Variants in C8orf34 observed in about 807,000 individuals in gnomAD.
The protein encoded by C8orf34 is chromosome 8 open reading frame 34.
Under a neutral mutation model 68.3 loss-of-function variants are expected in C8orf34, and 65 were observed. That is an observed-to-expected ratio of 0.95 (90% CI 0.78 to 1.17). C8orf34 has a LOEUF of 1.17. Ranked by LOEUF, C8orf34 falls within the 50% of genes most tolerant of loss-of-function variation. The pLI, the probability that C8orf34 is intolerant of heterozygous loss-of-function variation, is 0.00. For missense variants in C8orf34, 664 were observed against 655.4 expected (o/e 1.01, Z -0.14); for synonymous variants, 244 against 241.2 (o/e 1.01, Z -0.11).
intron 10 of C8orf34, among the ~76,000 whole-genome samples, chr8:68,752,254 C>CATTAA (rs1364793415): frequency 6.6e-6 from 1 of 152,158 alleles, no homozygotes; most frequent in Non-Finnish European, 1.5e-5. Context: ...GCTGATGTCT[C>CATTAA]ATTAAATTAA....
At chr8:68,578,038 A>T (rs1417781334) in intron 7 of C8orf34, among the ~76,000 whole-genome samples, 1 of 151,308 alleles carries the variant, frequency 6.6e-6, no homozygotes, top group African/African-American at 2.4e-5. Context: ...ATAATAAGTT[A>T]AAAAAAAACT....
chr8:68,398,530 C>G (rs1474846897), intron 1 of C8orf34, among the ~76,000 whole-genome samples: 1 of 151,864 alleles, frequency 6.6e-6, no homozygotes, highest in Non-Finnish European at 1.5e-5. Flanking sequence ...AAAACACACA[C>G]AAAAGGTAGC....
rs115181921 is a variant in C8orf34 at position 68,725,739 on chromosome 8, A to C, written c.1404+4302A>C. Among the ~76,000 whole-genome samples, 371 of 152,258 alleles carry C rather than the reference A, an allele frequency of 2.4e-3. 1 individual carries two copies. The highest frequency in any genetic ancestry group is 8.3e-3 in the African/African-American group (345 of 41,546). ...CATAGACAGGGCAGGACAAAAACTC[A>C]TGGTTCCCAGTGCCCAAACTGTCTT... On this transcript the variant is annotated intron_variant, in intron 10 of 13. Transcript: ENST00000518698.
chr8:68,374,560 T>G (rs1430687394), intron 1 of C8orf34, among the ~76,000 whole-genome samples: 2 of 152,204 alleles, frequency 1.3e-5, no homozygotes, highest in Admixed American at 1.3e-4. Context: ...AACGCAAGCT[T>G]TGAAATTAGG....
intron 10 of C8orf34, among the ~76,000 whole-genome samples, chr8:68,733,285 T>C (rs1822034985): frequency 1.3e-5 from 2 of 152,174 alleles, no homozygotes; most frequent in African/African-American, 2.4e-5. Flanking sequence ...AAAACTAATA[T>C]TGAGGGAGAT....
intron 7 of C8orf34, among the ~76,000 whole-genome samples, chr8:68,629,381 A>G (rs1818624763): frequency 6.6e-6 from 1 of 152,170 alleles, no homozygotes; most frequent in African/African-American, 2.4e-5. Context: ...GTTGTTCACT[A>G]CACCCTACTG....
rs529515900 is a variant in C8orf34 at position 68,554,154 on chromosome 8, T to G, written c.1105+21005T>G. ...GGTTTTATAGTCTTGTTATATAAAG[T>G]TCACATTCATATAGCAAAAGTTTGA... On this transcript the variant is annotated intron_variant, in intron 7 of 13. Transcript: ENST00000518698. Among the ~76,000 whole-genome samples the G allele has an allele frequency of 2.4e-3, 371 of 152,290 alleles. 2 individuals are homozygous for G. The highest frequency in any genetic ancestry group is 8.6e-3 in the African/African-American group (357 of 41,580).
chr8:68,357,867 A>G (rs1412813418), intron 1 of C8orf34, among the ~76,000 whole-genome samples: 1 of 152,170 alleles, frequency 6.6e-6, no homozygotes, highest in African/African-American at 2.4e-5. Context: ...TGAATTGTGC[A>G]ACTAATAGGC....
At chr8:68,776,771 G>A (rs1172754785) in intron 11 of C8orf34, among the ~76,000 whole-genome samples, 2 of 151,946 alleles carry the variant, frequency 1.3e-5, no homozygotes, top group African/African-American at 4.8e-5. Context: ...ATTGGAGTGT[G>A]CACAAAAAAA....
At chr8:68,523,833 G>C (rs534592602) in intron 6 of C8orf34, among the ~76,000 whole-genome samples, 20 of 152,180 alleles carry the variant, frequency 1.3e-4, no homozygotes, top group African/African-American at 3.9e-4. Context: ...AAATAGAAAT[G>C]AACCTGTACT....
chr8:68,523,727 C>T (rs757571066), intron 6 of C8orf34, among the ~76,000 whole-genome samples: 7 of 152,126 alleles, frequency 4.6e-5, no homozygotes, highest in Non-Finnish European at 7.3e-5. Flanking sequence ...CAGCAACTCA[C>T]ACCGCATTAG....
chr8:68,549,018 A>G (rs1211256374), intron 7 of C8orf34, among the ~76,000 whole-genome samples: 3 of 151,746 alleles, frequency 2.0e-5, no homozygotes, highest in Admixed American at 2.0e-4. Flanking sequence ...TCCTAATCTG[A>G]TAGAGTTGTT....
Position 68,371,008 on chromosome 8 carries a change from A to G in C8orf34, c.327+39669A>G, listed in dbSNP as rs1040711083. 6.6e-5 allele frequency among the ~76,000 whole-genome samples: 10 copies of G among 152,060 alleles called. No homozygotes were observed. In the East Asian group the frequency reaches 1.9e-3, roughly 29 times the overall value. ...GTGGCTGGGGGTGGGTCTTAAGGGA[A>G]AGAGGTATCCCATTGCAAACAACGG... On this transcript the variant is annotated intron_variant, in intron 1 of 13. Transcript: ENST00000518698.
intron 5 of C8orf34, among the ~76,000 whole-genome samples, chr8:68,489,146 C>T (rs1813203635): frequency 6.6e-6 from 1 of 152,154 alleles, no homozygotes; most frequent in South Asian, 2.1e-4. Context: ...AAAACTGCTA[C>T]ATTTTCATAT....
chr8:68,772,083 C>A (rs1012568723), intron 10 of C8orf34, among the ~76,000 whole-genome samples: 2 of 152,088 alleles, frequency 1.3e-5, no homozygotes, highest in African/African-American at 2.4e-5. Context: ...TCCATGGGTT[C>A]CAAATACCTC....
intron 1 of C8orf34, among the ~76,000 whole-genome samples, chr8:68,347,734 A>T (rs774705933): frequency 4.6e-5 from 7 of 151,602 alleles, no homozygotes; most frequent in African/African-American, 1.5e-4. Flanking sequence ...TTTTTTTTTC[A>T]TACATGTGTT....
rs553888595 is a variant in C8orf34 at position 68,451,976 on chromosome 8, A to C, written c.607+5516A>C. On this transcript the variant is annotated intron_variant, in intron 3 of 13. Transcript: ENST00000518698. ...CATACGAGTGAAATCACAATGTATG[A>C]CCTTTTGTCTCTGACTTATTTACTT... Among the ~76,000 whole-genome samples, 92 of 151,992 alleles carry C rather than the reference A, an allele frequency of 6.1e-4. 1 individual carries two copies. In the South Asian group the frequency reaches 0.018, roughly 30 times the overall value.
intron 8 of C8orf34, among the ~76,000 whole-genome samples, chr8:68,653,964 G>A (rs1819438767): frequency 6.6e-6 from 1 of 151,942 alleles, no homozygotes; most frequent in African/African-American, 2.4e-5. Context: ...AGCACTGTCT[G>A]GTCCAACCAC....
At chr8:68,663,912 C>G (rs1434825171) in intron 8 of C8orf34, among the ~76,000 whole-genome samples, 1 of 152,178 alleles carries the variant, frequency 6.6e-6, no homozygotes, top group Non-Finnish European at 1.5e-5. Context: ...AAGAAAGTGA[C>G]TTTTACTCAG....
Sources: gnomAD v4.1 joint callset for allele counts (sites outside exome capture counted in the v4.1 genomes callset) on GRCh38, gnomAD v4.1.1 for gene constraint, MANE v1.5 for transcripts, NCBI Gene and HGNC (gene_info 2026-07-23, HGNC 2026-07-21) for gene names.